Variants in PALS2 observed in about 807,000 individuals in gnomAD.
The protein encoded by PALS2 is protein PALS2.
In PALS2, 27 loss-of-function variants were observed where a neutral mutation model predicts 61.6. That is an observed-to-expected ratio of 0.44 (90% CI 0.32 to 0.60). The LOEUF (loss-of-function observed/expected upper bound fraction) is 0.60. Among genes scored for constraint, PALS2 ranks in the 20% least tolerant of loss-of-function variants. The pLI, the probability that PALS2 is intolerant of heterozygous loss-of-function variation, is 0.05. For missense variants in PALS2, 554 were observed against 639.4 expected, an observed-to-expected ratio of 0.87 and a Z score of 1.44; for synonymous variants, 236 against 218.6, an observed-to-expected ratio of 1.08 and a Z score of -0.70.
chr7:24,644,713 A>G (rs1160426429), intron 3 of PALS2, among the ~76,000 whole-genome samples: 1 of 152,000 alleles, frequency 6.6e-6, no homozygotes, highest in Non-Finnish European at 1.5e-5. Context: ...CTCTTTGATG[A>G]ATCTCCATAC....
At chr7:24,620,042 T>G (rs547029634) in intron 1 of PALS2, 3 of 152,182 alleles carry the variant, frequency 2.0e-5, no homozygotes, top group Non-Finnish European at 4.4e-5. Flanking sequence ...TATGTTTTAA[T>G]ATTTTATAGG....
chr7:24,642,680 A>T (rs187685939), intron 3 of PALS2, among the ~76,000 whole-genome samples: 10 of 152,240 alleles, frequency 6.6e-5, no homozygotes, highest in Admixed American at 3.3e-4. Context: ...TTCTCAGCCA[A>T]AGATTTTATG....
At chr7:24,593,814 T>A (rs1217639630) in intron 1 of PALS2, among the ~76,000 whole-genome samples, 1 of 152,056 alleles carries the variant, frequency 6.6e-6, no homozygotes, top group Non-Finnish European at 1.5e-5. Flanking sequence ...TAGAGTAGAT[T>A]TAGCATAATT....
intron 1 of PALS2, among the ~76,000 whole-genome samples, chr7:24,622,507 C>T (rs897303513): frequency 6.6e-5 from 10 of 151,826 alleles, no homozygotes; most frequent in Non-Finnish European, 1.5e-4. Context: ...TGTGTAACAA[C>T]ATATTGGTTG....
intron 9 of PALS2, among the ~76,000 whole-genome samples, chr7:24,670,631 T>C (rs1446693726): frequency 6.6e-6 from 1 of 152,246 alleles, no homozygotes; most frequent in Non-Finnish European, 1.5e-5. Flanking sequence ...GAATTCTGGA[T>C]TGTAAAATTC....
intron 1 of PALS2, among the ~76,000 whole-genome samples, chr7:24,593,039 T>G (rs920821713): frequency 6.6e-6 from 1 of 152,142 alleles, no homozygotes; most frequent in Non-Finnish European, 1.5e-5. Context: ...ATAGTAGAAC[T>G]TCATTCAAAA....
At position 24,672,646 on chromosome 7, in the gene PALS2, A is replaced by AT. The variant is rs941857925; in HGVS notation, c.1114+3993dup. Among the ~76,000 whole-genome samples the AT allele has an allele frequency of 1.5e-4, 23 of 151,652 alleles. 1 individual carries two copies. ...GCTTTTGTCACATTTATTCCTGAGT[A>AT]TTTTTTTCTTTTTTATTCTGTAGCA... On this transcript the variant is annotated intron_variant, in intron 9 of 11. Coordinates refer to ENST00000222644, the MANE Select transcript of PALS2 (RefSeq NM_001303037.2).
chr7:24,606,405 G>A (rs1257345765), intron 1 of PALS2, among the ~76,000 whole-genome samples: 1 of 152,136 alleles, frequency 6.6e-6, no homozygotes, highest in Non-Finnish European at 1.5e-5. Flanking sequence ...AGGGCCTTGA[G>A]ATACTATGTC....
chr7:24,669,722 A>G (rs959698737), intron 9 of PALS2, among the ~76,000 whole-genome samples: 9 of 152,160 alleles, frequency 5.9e-5, no homozygotes, highest in African/African-American at 1.9e-4. Flanking sequence ...AAAATTCTTA[A>G]AAGTTAGGGA....
chr7:24,621,883 C>T (rs888578373), intron 1 of PALS2, among the ~76,000 whole-genome samples: 5 of 151,936 alleles, frequency 3.3e-5, no homozygotes, highest in African/African-American at 7.2e-5. Context: ...AGGGGTCTAG[C>T]GTCACTCTCT....
chr7:24,681,650 AT>A (rs1387831212), intron 11 of PALS2, among the ~76,000 whole-genome samples: 2 of 152,070 alleles, frequency 1.3e-5, no homozygotes, highest in African/African-American at 4.8e-5. Flanking sequence ...TTGACACATA[AT>A]AAGCTGTGCC....
intron 9 of PALS2, among the ~76,000 whole-genome samples, chr7:24,669,805 A>G (rs17208128): frequency 0.039 from 5,934 of 152,316 alleles, 155 homozygotes; most frequent in Non-Finnish European, 0.058. Context: ...TACTGCAGGC[A>G]TTGTAAATCA....
intron 3 of PALS2, 122 bp from the exon 4 acceptor site, chr7:24,649,490 T>C: frequency 8.6e-6 from 6 of 694,834 alleles, no homozygotes; most frequent in Non-Finnish European, 1.3e-5. Context: ...TTTGGGAATT[T>C]AATACCATGT....
intron 2 of PALS2, among the ~76,000 whole-genome samples, chr7:24,626,016 A>G (rs1317867333): frequency 6.6e-6 from 1 of 152,200 alleles, no homozygotes; most frequent in African/African-American, 2.4e-5. Flanking sequence ...TCTGGCCACT[A>G]ATCATGAGAA....
At chr7:24,664,896 T>G (rs560420360) in intron 6 of PALS2, among the ~76,000 whole-genome samples, 10 of 152,264 alleles carry the variant, frequency 6.6e-5, no homozygotes, top group Admixed American at 2.6e-4. Context: ...CCCTGCATTT[T>G]GATAGTTGGT....
intron 1 of PALS2, among the ~76,000 whole-genome samples, chr7:24,620,685 A>G (rs938072469): frequency 1.1e-4 from 16 of 152,178 alleles, no homozygotes; most frequent in Admixed American, 5.2e-4. Flanking sequence ...ATTTGATAAC[A>G]TTAAGGAATT....
intron 9 of PALS2, among the ~76,000 whole-genome samples, chr7:24,670,780 A>G (rs879899397): frequency 6.6e-6 from 1 of 152,134 alleles, no homozygotes; most frequent in South Asian, 2.1e-4. Context: ...CATTTTATAT[A>G]CTGGAGTTAT....
chr7:24,600,929 T>G (rs1440988752), intron 1 of PALS2, among the ~76,000 whole-genome samples: 6 of 151,726 alleles, frequency 4.0e-5, no homozygotes, highest in Non-Finnish European at 7.4e-5. Context: ...TAGATATACT[T>G]TTTTTTTAGG....
At chr7:24,633,332 T>G (rs1583910247) in intron 2 of PALS2, among the ~76,000 whole-genome samples, 1 of 150,530 alleles carries the variant, frequency 6.6e-6, no homozygotes, top group African/African-American at 2.4e-5. Context: ...ACTGGATAGG[T>G]AATTCCAGGT....
Sources: allele counts gnomAD v4.1 joint callset (sites outside exome capture counted in the v4.1 genomes callset), GRCh38; gene constraint gnomAD v4.1.1; transcripts MANE v1.5; gene names NCBI Gene and HGNC (gene_info 2026-07-23, HGNC 2026-07-21).